The following UBA2 variants were observed in gnomAD, a reference collection of about 807,000 sequenced individuals.
UBA2 encodes the protein ubiquitin like modifier activating enzyme 2.
Under a neutral mutation model 77.2 loss-of-function variants are expected in UBA2, and 11 were observed. The ratio of observed to expected loss-of-function variants is 0.14; its 90% CI spans 0.09 to 0.24. UBA2 has a LOEUF of 0.24. UBA2 is among the 10% of genes least tolerant of loss of function. The pLI is 1.00. For synonymous variants in UBA2, 278 were observed against 276.7 expected, an observed-to-expected ratio of 1.00 and a Z score of -0.05; for missense variants, 487 against 781.7, an observed-to-expected ratio of 0.62 and a Z score of 4.50.
intron 10 of UBA2, 39 bp downstream of exon 10, chr19:34,452,186 A>G (rs746425869): frequency 6.7e-7 from 1 of 1,494,296 alleles, no homozygotes; most frequent in Non-Finnish European, 9.0e-7. Flanking sequence ...TTACATGTCA[A>G]AAGTGTGTTT....
rs541100027 is a variant in UBA2 at position 34,438,880 on chromosome 19, G to A, written c.581+114G>A. 7.3e-6 allele frequency: 10 copies of A among 1,372,508 alleles called. No individual in the cohort carries two copies. The South Asian group carries it at 1.4e-4, about 19-fold the overall frequency. The allele number at this position is 1,372,508 out of a possible 1,614,324, so 85.0% of individuals were successfully genotyped here. A position where few individuals can be genotyped will look rare whatever the true frequency, so the allele number is the denominator to read the frequency against. ...TCAGGATGTTTAAATATGGTGAAGG[G>A]ATGCTTTAGTAGCTTTCTTGCAGTA... On this transcript the variant is annotated intron_variant, in intron 6 of 16. Coordinates refer to ENST00000246548, the MANE Select transcript of UBA2 (RefSeq NM_005499.3).
intron 14 of UBA2, 42 bp downstream of exon 14, chr19:34,460,608 C>A: frequency 8.0e-6 from 11 of 1,382,212 alleles, no homozygotes; most frequent in African/African-American, 1.4e-5. Flanking sequence ...ATTGAGGAGA[C>A]TGCTTGAAGA....
chr19:34,450,687 G>C (rs2075483583), intron 9 of UBA2, among the ~76,000 whole-genome samples: 1 of 135,664 alleles, frequency 7.4e-6, no homozygotes, highest in African/African-American at 2.7e-5. Context: ...AACATGTAGT[G>C]TTTTTGTATT....
rs1286184552 is a variant in UBA2, at chr19:34,460,688, G to A, written c.1498+122G>A. The A allele has an allele frequency of 8.9e-6, 6 of 673,214 alleles. No individual in the cohort carries two copies. The East Asian group carries it at 1.6e-4, about 18-fold the overall frequency. 41.7% of individuals were successfully genotyped at this position (673,214 alleles called of 1,614,324 possible). A position where few individuals can be genotyped will look rare whatever the true frequency, so the allele number is the denominator to read the frequency against. ...GCAGAGAGTGGCAGTGTTTGGTCAT[G>A]AAGGTGCTCTTTCAAGGTGACATTG... is the stretch of plus-strand genomic sequence containing the variant. On this transcript the variant is annotated intron_variant, in intron 14 of 16. Coordinates refer to ENST00000246548, the MANE Select transcript of UBA2 (RefSeq NM_005499.3).
intron 9 of UBA2, 49 bp downstream of exon 9, chr19:34,450,413 G>T (rs375473299): frequency 8.1e-6 from 11 of 1,352,036 alleles, no homozygotes; most frequent in South Asian, 2.6e-5. Flanking sequence ...AAATATCCTC[G>T]CGTAAAGTCT....
chr19:34,459,132 T>A, intron 13 of UBA2, among the ~76,000 whole-genome samples: 1 of 151,860 alleles, frequency 6.6e-6, no homozygotes, highest in East Asian at 1.9e-4. Context: ...GGAGTAGGAG[T>A]ATTTGACTGG....
In UBA2 at chr19:34,433,301, G is replaced by A. The variant is rs1007813922; in HGVS notation, c.294-47G>A. 6.8e-6 allele frequency: 9 copies of A among 1,330,356 alleles called. No individual in the cohort carries two copies. The African/African-American group carries it at 1.3e-4, about 19-fold the overall frequency. The allele number at this position is 1,330,356 out of a possible 1,614,324, so 82.4% of individuals were successfully genotyped here. A position where few individuals can be genotyped will look rare whatever the true frequency, so the allele number is the denominator to read the frequency against. ...CTGTTTATTATACTGCAAAGATCAT[G>A]TGGAAGGCTAGTTATTTTGGTGACC... On this transcript the variant is annotated intron_variant, in intron 3 of 16. Coordinates refer to ENST00000246548, the MANE Select transcript of UBA2 (RefSeq NM_005499.3).
chr19:34,438,695 T>C lies in UBA2; in HGVS notation c.510T>C (p.Phe170=). The stretch of plus-strand genomic sequence containing the variant: ...ATCCTAAGCCGACCCAGAGAACCTT[T>C]CCTGGCTGTACAATTCGTAACACAC... ...ECHPKPTQRT[F]PGCTIRNTPS... The change falls in exon 6 of 17, where the codon TTT becomes TTC. Residue 170 remains phenylalanine, a synonymous_variant. Transcript: ENST00000246548. The C allele has an allele frequency of 6.2e-7, 1 of 1,614,166 alleles. No homozygotes were observed. Among genetic ancestry groups the C allele is most frequent in the Non-Finnish European group, 8.5e-7 (1 of 1,180,024 alleles).
chr19:34,459,781 A>T (rs986581996), intron 13 of UBA2, among the ~76,000 whole-genome samples: 17 of 152,186 alleles, frequency 1.1e-4, no homozygotes, highest in Non-Finnish European at 1.9e-4. Context: ...CTCAAATAGC[A>T]GTGCTGCCTG....
intron 12 of UBA2, among the ~76,000 whole-genome samples, chr19:34,456,935 C>T (rs1003210763): frequency 6.6e-6 from 1 of 151,738 alleles, no homozygotes; most frequent in Admixed American, 6.6e-5. Flanking sequence ...AGCTCACCAA[C>T]AGTACTAATT....
Position 34,459,030 on chromosome 19 carries a change from G to A in UBA2, c.1401+106G>A. ...TGAAAAGGTCCAACTGCAGAGATGT[G>A]TGGCTGTGATTTCCTGGGTTATTTT... is the stretch of plus-strand genomic sequence containing the variant. On this transcript the variant is annotated intron_variant, in intron 13 of 16. Coordinates refer to ENST00000246548, the MANE Select transcript of UBA2 (RefSeq NM_005499.3). The A allele has an allele frequency of 4.9e-6, 6 of 1,221,064 alleles. No individual in the cohort carries two copies. The South Asian group carries it at 9.9e-5, about 20-fold the overall frequency. The allele number at this position is 1,221,064 out of a possible 1,614,324, so 75.6% of individuals were successfully genotyped here. A position where few individuals can be genotyped will look rare whatever the true frequency, so the allele number is the denominator to read the frequency against.
chr19:34,464,193 T>G, intron 15 of UBA2, 62 bp downstream of exon 15: 1 of 1,174,662 alleles, frequency 8.5e-7, no homozygotes, highest in South Asian at 1.3e-5. Flanking sequence ...TTAGACAAAA[T>G]GAAGGAAAAG....
intron 5 of UBA2, among the ~76,000 whole-genome samples, chr19:34,438,305 A>T (rs1368026146): frequency 6.6e-6 from 1 of 151,884 alleles, no homozygotes; most frequent in Non-Finnish European, 1.5e-5. Context: ...AATTTCTTGG[A>T]AAGCTGCTGT....
At chr19:34,429,197 T>C (rs1599882319) in intron 1 of UBA2, 1 of 985,236 alleles carries the variant, frequency 1.0e-6, no homozygotes, top group South Asian at 4.7e-5. Context: ...GCAGGCTGCG[T>C]GACTGTCATT....
intron 15 of UBA2, among the ~76,000 whole-genome samples, chr19:34,465,122 G>A (rs1599935818): frequency 6.6e-6 from 1 of 152,322 alleles, no homozygotes; most frequent in East Asian, 1.9e-4. Flanking sequence ...ATATATTCAT[G>A]TGTTGACCAG....
chr19:34,458,797 G>T lies in UBA2; in HGVS notation c.1274G>T (p.Arg425Ile). The part of the protein sequence containing the change: ...TIFLNKQPNP[R>I]KKLLVPCALD... ...TTTTTGAATAAACAACCAAACCCAA[G>T]AAAGAAGCTTCTTGTGCCTTGTGCA... Residue 425 changes from arginine (R) to isoleucine (I), a missense_variant, in exon 13 of 17, where the codon AGA becomes ATA. This residue lies in a region of UBA2 where 300 missense variants were observed against 454.3 expected (regional missense o/e 0.66). Coordinates refer to ENST00000246548, the MANE Select transcript of UBA2 (RefSeq NM_005499.3). 2 of 1,611,514 alleles carry T rather than the reference G, an allele frequency of 1.2e-6. No homozygotes were observed. The highest frequency in any genetic ancestry group is 1.7e-6 in the Non-Finnish European group (2 of 1,179,324).
chr19:34,461,159 T>C (rs1382100588), intron 14 of UBA2, among the ~76,000 whole-genome samples: 1 of 152,246 alleles, frequency 6.6e-6, no homozygotes, highest in Non-Finnish European at 1.5e-5. Context: ...CTTTTGCAGC[T>C]CATTTCTTGA....
intron 6 of UBA2, among the ~76,000 whole-genome samples, chr19:34,443,631 G>A (rs991934250): frequency 3.3e-5 from 5 of 151,844 alleles, no homozygotes; most frequent in African/African-American, 7.3e-5. Context: ...TGGTAGAGAC[G>A]AGGTTTCACC....
chr19:34,458,971 A>T (rs2145558226), intron 13 of UBA2, 47 bp downstream of exon 13: 1 of 1,520,946 alleles, frequency 6.6e-7, no homozygotes, highest in South Asian at 1.3e-5. Context: ...TTACAGTATT[A>T]CTGTGATGAC....
Sources: allele counts gnomAD v4.1 joint callset (sites outside exome capture counted in the v4.1 genomes callset), GRCh38; gene constraint gnomAD v4.1.1; regional missense constraint gnomAD v4.1.1; transcripts MANE v1.5; gene names NCBI Gene and HGNC (gene_info 2026-07-23, HGNC 2026-07-21).